Variants in GFM2 observed in about 807,000 individuals in gnomAD.
The protein encoded by GFM2 is GTP dependent ribosome recycling factor mitochondrial 2.
In GFM2, 72 loss-of-function variants were observed where a neutral mutation model predicts 95.4. That is an observed-to-expected ratio of 0.76 (90% CI 0.62 to 0.92). GFM2 has a LOEUF of 0.92. GFM2 is among the 40% of genes least tolerant of loss of function. The pLI is 0.00. For missense variants in GFM2, 825 were observed against 924.1 expected (o/e 0.89, Z 1.39); for synonymous variants, 276 against 317.5 (o/e 0.87, Z 1.39).
chr5:74,744,020 T>A (rs1405492801), intron 10 of GFM2, among the ~76,000 whole-genome samples: 1 of 152,224 alleles, frequency 6.6e-6, no homozygotes, highest in African/African-American at 2.4e-5. Flanking sequence ...CAATGATTAC[T>A]ACATACAGTC....
intron 16 of GFM2, 88 bp from the exon 17 acceptor site, chr5:74,730,486 T>C (rs550799923): frequency 2.2e-5 from 18 of 816,366 alleles, no homozygotes; most frequent in Middle Eastern, 3.4e-4. Context: ...TAATACATAC[T>C]TATTTTTAAT....
At chr5:74,722,262 T>A in intron 20 of GFM2, 117 bp downstream of exon 20, 1 of 847,122 alleles carries the variant, frequency 1.2e-6, no homozygotes, top group African/African-American at 1.7e-5. Context: ...AAACTTAACA[T>A]GTATTCTCTA....
At chr5:74,753,090 G>A (rs1743799458) in intron 5 of GFM2, among the ~76,000 whole-genome samples, 1 of 152,084 alleles carries the variant, frequency 6.6e-6, no homozygotes, top group South Asian at 2.1e-4. Context: ...AAAGAGTTCA[G>A]AAGGTCAATT....
chr5:74,761,039 TAC>T, intron 2 of GFM2, 53 bp from the exon 3 acceptor site: 1 of 988,134 alleles, frequency 1.0e-6, no homozygotes, highest in Non-Finnish European at 1.6e-6. Context: ...CATCACTTAT[TAC>T]AGTGTTAATA....
At position 74,738,434 on chromosome 5, in the gene GFM2, T is replaced by A. The variant is rs1561244791; in HGVS notation, c.1221-17A>T. 6.2e-7 allele frequency: 1 copy of A among 1,611,562 alleles called. No individual in the cohort carries two copies. Among genetic ancestry groups the A allele is most frequent in the Non-Finnish European group, 8.5e-7 (1 of 1,178,954 alleles). On this transcript the variant is annotated splice_polypyrimidine_tract_variant and intron_variant, in intron 13 of 20. Transcript: ENST00000296805. ...ATTCTCTCCCTGTAAAATCACAATTTTATGTTAGTAAAAGTATTTTTAAAG... is the reference window on the plus strand; with the variant it reads ...ATTCTCTCCCTGTAAAATCACAATTATATGTTAGTAAAAGTATTTTTAAAG...
intron 1 of GFM2, among the ~76,000 whole-genome samples, chr5:74,766,056 A>C (rs1744576034): frequency 6.6e-6 from 1 of 152,156 alleles, no homozygotes; most frequent in Admixed American, 6.5e-5. Context: ...CTGTAATCCC[A>C]ACACTTTGGG....
At chr5:74,763,601 G>T in intron 2 of GFM2, 79 bp downstream of exon 2, 1 of 743,556 alleles carries the variant, frequency 1.3e-6, no homozygotes. Flanking sequence ...ATCAACAGCT[G>T]ATGAGATATA....
chr5:74,744,383 A>G (rs1430919884), intron 10 of GFM2, among the ~76,000 whole-genome samples: 1 of 151,038 alleles, frequency 6.6e-6, no homozygotes, highest in African/African-American at 2.4e-5. Flanking sequence ...ACTATGTACA[A>G]AAGATAAGTG....
chr5:74,747,969 T>G lies in GFM2; in HGVS notation c.520-189A>C, dbSNP rs1303386585. Among the ~76,000 whole-genome samples, 7 of 152,234 alleles carry G rather than the reference T, an allele frequency of 4.6e-5. No homozygotes were observed. The East Asian group carries it at 1.3e-3, about 29-fold the overall frequency. On this transcript the variant is annotated intron_variant, in intron 7 of 20. Transcript: ENST00000296805. ...CAAGTTAACACAGCCGGGAACGTGA[T>G]GAAGTGTGAAGGGGAGTGTGCTTCA...
chr5:74,764,807 AC>A lies in GFM2; in HGVS notation c.-24-1042del, dbSNP rs373527842. Among the ~76,000 whole-genome samples the A allele has an allele frequency of 4.8e-3, 484 of 100,284 alleles. 4 individuals carry two copies. Among genetic ancestry groups the A allele is most frequent in the African/African-American group, 0.021 (462 of 21,848 alleles). 65.8% of individuals were successfully genotyped at this position (100,284 alleles called of 152,430 possible). A position where few individuals can be genotyped will look rare whatever the true frequency, so the allele number is the denominator to read the frequency against. ...TTTTTTTTTTTTTTTTTTTTTTGAG[AC>A]AGGGTCTTGCCCTGTCACCAAGCCT... is the stretch of plus-strand genomic sequence containing the variant. On this transcript the variant is annotated intron_variant, in intron 1 of 20. Coordinates refer to ENST00000296805, the MANE Select transcript of GFM2 (RefSeq NM_032380.5).
Position 74,767,083 on chromosome 5 carries a change from G to A in GFM2, c.-170C>T. 2.3e-6 allele frequency: 1 copy of A among 441,726 alleles called. No homozygotes were observed. The highest frequency in any genetic ancestry group is 4.1e-6 in the Non-Finnish European group (1 of 242,128). The allele number at this position is 441,726 out of a possible 1,614,324, so 27.4% of individuals were successfully genotyped here. On this transcript the variant is annotated 5_prime_UTR_variant, in exon 1 of 21. Coordinates refer to ENST00000296805, the MANE Select transcript of GFM2 (RefSeq NM_032380.5). ...ATGTATCTAAACGAAAAGAAAATAG[G>A]CTTTCTCCGCTCTACCGCCTCGGGC...
intron 5 of GFM2, among the ~76,000 whole-genome samples, chr5:74,755,973 T>G (rs1287198616): frequency 6.6e-6 from 1 of 152,140 alleles, no homozygotes; most frequent in East Asian, 1.9e-4. Flanking sequence ...AAATACTAGC[T>G]AACTGAATCC....
intron 19 of GFM2, among the ~76,000 whole-genome samples, chr5:74,725,396 C>T (rs1268486629): frequency 6.6e-6 from 1 of 152,134 alleles, no homozygotes. Context: ...GGAAGCTTGC[C>T]TCTTTATCAG....
intron 5 of GFM2, among the ~76,000 whole-genome samples, chr5:74,754,074 A>C (rs984802069): frequency 6.6e-6 from 1 of 152,162 alleles, no homozygotes; most frequent in Non-Finnish European, 1.5e-5. Context: ...TCCTTAAACA[A>C]AACAATTATC....
intron 14 of GFM2, 137 bp downstream of exon 14, chr5:74,738,181 A>C: frequency 1.5e-6 from 1 of 662,102 alleles, no homozygotes; most frequent in Non-Finnish European, 2.6e-6. Flanking sequence ...AGCCATGTTG[A>C]CAAATATGCC....
intron 5 of GFM2, among the ~76,000 whole-genome samples, chr5:74,753,106 G>A (rs1561257682): frequency 6.6e-6 from 1 of 152,076 alleles, no homozygotes; most frequent in East Asian, 1.9e-4. Context: ...CAATTATTAA[G>A]CTACTCAAGG....
At chr5:74,746,914 A>G (rs1427718511) in intron 8 of GFM2, among the ~76,000 whole-genome samples, 1 of 152,136 alleles carries the variant, frequency 6.6e-6, no homozygotes, top group Non-Finnish European at 1.5e-5. Flanking sequence ...ACAGCCTCAG[A>G]ATTACTATAG....
chr5:74,750,649 A>C lies in GFM2; in HGVS notation c.449T>G (p.Leu150Trp), dbSNP rs185655954. Residue 150 changes from leucine to tryptophan, a missense_variant, in exon 7 of 21, where the codon TTG becomes TGG. Physicochemically the swap from Leu to Trp is moderately conservative, Grantham distance 61. Coordinates refer to ENST00000296805, the MANE Select transcript of GFM2 (RefSeq NM_032380.5). ...IDTPGHVDFT[L>W]EVERCLRVLD... ...CACTCTTAGGCACCGCTCAACCTCC[A>C]AGGTAAAGTCCACATGACCTAAGAA... 4.3e-6 allele frequency: 7 copies of C among 1,612,970 alleles called. No individual in the cohort carries two copies. The East Asian group carries it at 1.6e-4, about 36-fold the overall frequency.
rs1256615512 is a variant in GFM2, at chr5:74,746,158, A to C, written c.616T>G (p.Tyr206Asp). Residue 206 changes from tyrosine to aspartate, a missense_variant, in exon 9 of 21, where the codon TAT becomes GAT. Transcript: ENST00000296805. Reference sequence around the variant, plus strand: ...TTCTCTCTGATGCTTTCAACTGCATACTTAAAGCTGTAGAAAGCAAAATAA... The same window carrying C: ...TTCTCTCTGATGCTTTCAACTGCATCCTTAAAGCTGTAGAAAGCAAAATAA... ...KMDKTGASFK[Y>D]AVESIREKLK... 6.6e-7 allele frequency: 1 copy of C among 1,514,178 alleles called. No individual in the cohort carries two copies. The highest frequency in any genetic ancestry group is 1.4e-5 in the South Asian group (1 of 73,042). 93.8% of individuals were successfully genotyped at this position (1,514,178 alleles called of 1,614,324 possible).
Sources: gnomAD v4.1 joint callset for allele counts (sites outside exome capture counted in the v4.1 genomes callset) on GRCh38, gnomAD v4.1.1 for gene constraint, MANE v1.5 for transcripts, NCBI Gene and HGNC (gene_info 2026-07-23, HGNC 2026-07-21) for gene names.